DYNC2H1: variants seen among roughly 807,000 people sequenced by gnomAD.
DYNC2H1 encodes the protein cytoplasmic dynein 2 heavy chain 1.
A neutral mutation model predicts 570.0 loss-of-function variants in DYNC2H1; 410 were observed. That is an observed-to-expected ratio of 0.72 (90% CI 0.66 to 0.78). The LOEUF is 0.78. Among genes scored for constraint, DYNC2H1 ranks in the 30% least tolerant of loss-of-function variants. The pLI is 0.00. For synonymous variants in DYNC2H1, 1,688 were observed against 1,677.6 expected (o/e 1.01, Z -0.15); for missense variants, 4,865 against 5,046.4 (o/e 0.96, Z 1.09).
intron 82 of DYNC2H1, among the ~76,000 whole-genome samples, chr11:103,354,278 T>C (rs573399570): frequency 6.6e-6 from 1 of 152,152 alleles, no homozygotes; most frequent in African/African-American, 2.4e-5. Context: ...GTTTGCATTC[T>C]TTTAGATTCA....
In DYNC2H1 at chr11:103,150,188, TTC is replaced by T. The variant is rs371523654; in HGVS notation, c.2946+1573_2946+1574del. Among the ~76,000 whole-genome samples, 565 of 152,326 alleles carry T rather than the reference TTC, an allele frequency of 3.7e-3. 4 individuals carry two copies. Among genetic ancestry groups the T allele is most frequent in the African/African-American group, 0.013 (527 of 41,580 alleles). On this transcript the variant is annotated intron_variant, in intron 20 of 88. Transcript: ENST00000375735. ...GAAATTGTAAGAAGTTCGTATTTTA[TTC>T]TGAGTGTAATAAGAAAGTCTTTAGA...
At chr11:103,457,283 C>T (rs1944819566) in intron 87 of DYNC2H1, among the ~76,000 whole-genome samples, 1 of 152,068 alleles carries the variant, frequency 6.6e-6, no homozygotes, top group Non-Finnish European at 1.5e-5. Context: ...TTAGAGTGTA[C>T]TCCTTCTAAT....
At chr11:103,475,496 T>A (rs1945522637) in intron 88 of DYNC2H1, among the ~76,000 whole-genome samples, 1 of 152,140 alleles carries the variant, frequency 6.6e-6, no homozygotes, top group Non-Finnish European at 1.5e-5. Context: ...AATATAATAG[T>A]GAGAATGCCA....
chr11:103,408,969 C>T (rs570138421), intron 84 of DYNC2H1, among the ~76,000 whole-genome samples: 2 of 152,134 alleles, frequency 1.3e-5, no homozygotes, highest in East Asian at 3.9e-4. Context: ...AGGTCAGTTT[C>T]ACTGATTAAA....
At chr11:103,455,121 A>G in intron 85 of DYNC2H1, 65 bp from the exon 86 acceptor site, 1 of 1,164,576 alleles carries the variant, frequency 8.6e-7, no homozygotes. Flanking sequence ...ATTGAAAATG[A>G]CTTAAGTCTT....
chr11:103,356,417 C>A (rs1940341408), intron 82 of DYNC2H1, among the ~76,000 whole-genome samples: 1 of 152,046 alleles, frequency 6.6e-6, no homozygotes, highest in Non-Finnish European at 1.5e-5. Context: ...CAGAAGACAT[C>A]TTTTTTTGGT....
rs1278825521 is a variant in DYNC2H1, at chr11:103,197,942, A to G, written c.7718A>G (p.Tyr2573Cys). Residue 2573 changes from tyrosine to cysteine, a missense_variant, in exon 48 of 89, where the codon TAC (tyrosine) becomes TGC (cysteine). Coordinates refer to ENST00000375735, the MANE Select transcript of DYNC2H1 (RefSeq NM_001377.3). The stretch of plus-strand genomic sequence containing the variant: ...TCATTTATTTCCACAGATAGTTTCT[A>G]CGTTACATGGGGAGCTCGGCATAAT... ...DILDNMSDSF[Y>C]VTWGARHNSG... The G allele has an allele frequency of 1.3e-6, 2 of 1,569,238 alleles. No individual in the cohort carries two copies. Among genetic ancestry groups the G allele is most frequent in the Non-Finnish European group, 8.6e-7 (1 of 1,156,206 alleles).
chr11:103,170,390 T>A lies in DYNC2H1; in HGVS notation c.5151+100T>A. ...TACTCTACTTAAAAATCACTACATT[T>A]AAATTAGTTGAAGACAGAATTTGTT... On this transcript the variant is annotated intron_variant, in intron 33 of 88. Transcript: ENST00000375735. The surrounding 1 kb of genome is among the most constrained non-coding windows in gnomAD (Gnocchi z 4.8). The A allele has an allele frequency of 8.5e-7, 1 of 1,179,536 alleles. No individual in the cohort carries two copies. Among genetic ancestry groups the A allele is most frequent in the Non-Finnish European group, 1.1e-6 (1 of 879,624 alleles). 73.1% of individuals were successfully genotyped at this position (1,179,536 alleles called of 1,614,324 possible). A position where few individuals can be genotyped will look rare whatever the true frequency, so the allele number is the denominator to read the frequency against.
rs943329153 is a variant in DYNC2H1, at chr11:103,252,205, GATT to G, written c.10043-1078_10043-1076del. Among the ~76,000 whole-genome samples the G allele has an allele frequency of 6.6e-6, 1 of 151,566 alleles. No homozygotes were observed. Among genetic ancestry groups the G allele is most frequent in the African/African-American group, 2.4e-5 (1 of 41,218 alleles). ...CCGTCTCAACCTCCCAAAATGATGCGATTACAGGCATAAGCAGCCGTGCCTGAC... is the reference window on the plus strand; with the variant it reads ...CCGTCTCAACCTCCCAAAATGATGCGACAGGCATAAGCAGCCGTGCCTGAC... On this transcript the variant is annotated intron_variant, in intron 65 of 88. Coordinates refer to ENST00000375735, the MANE Select transcript of DYNC2H1 (RefSeq NM_001377.3). This position sits in a 1 kb window ranked among gnomAD's most constrained non-coding sequence, Gnocchi z 4.6.
Position 103,287,540 on chromosome 11 carries a change from T to C in DYNC2H1, c.11030T>C (p.Val3677Ala). 2 of 1,607,786 alleles carry C rather than the reference T, an allele frequency of 1.2e-6. No homozygotes were observed. Among genetic ancestry groups the C allele is most frequent in the East Asian group, 4.5e-5 (2 of 44,724 alleles). The part of the protein sequence containing the change: ...KKVSLFQQIL[V>A]VQALRPDRLQ... ...TCTGCATTTTATTTTAAGATTCTTG[T>C]AGTACAGGCGCTAAGACCGGACAGA... Residue 3677 changes from valine to alanine, a missense_variant, in exon 75 of 89, where the codon GTA becomes GCA. Val to Ala is a moderately conservative substitution (Grantham distance 64). This residue lies in a region of DYNC2H1 where 2,401 missense variants were observed against 2,454.6 expected (regional missense o/e 0.98). Transcript: ENST00000375735.
At position 103,341,344 on chromosome 11, in the gene DYNC2H1, T is replaced by G. The variant is rs930156156; in HGVS notation, c.12040-16899T>G. Among the ~76,000 whole-genome samples, 8 of 152,332 alleles carry G rather than the reference T, an allele frequency of 5.3e-5. No homozygotes were observed. The East Asian group carries it at 1.3e-3, about 26-fold the overall frequency. On this transcript the variant is annotated intron_variant, in intron 82 of 88. Coordinates refer to ENST00000375735, the MANE Select transcript of DYNC2H1 (RefSeq NM_001377.3). ...TCTTTTCTTCCCCCCCTTTTAAAAT[T>G]TAACAGTTATTAAATCCTCAGTTGC... is the stretch of plus-strand genomic sequence containing the variant.
chr11:103,284,027 C>A (rs1287194440), intron 73 of DYNC2H1, among the ~76,000 whole-genome samples: 1 of 149,942 alleles, frequency 6.7e-6, no homozygotes, highest in Non-Finnish European at 1.5e-5. Flanking sequence ...TTTAACAGAA[C>A]CCTGCAAAGT....
chr11:103,425,535 C>T (rs1943637510), intron 84 of DYNC2H1, among the ~76,000 whole-genome samples: 1 of 151,994 alleles, frequency 6.6e-6, no homozygotes, highest in African/African-American at 2.4e-5. Context: ...TCCAGAGGTC[C>T]CACCTCCAAA....
At position 103,325,629 on chromosome 11, in the gene DYNC2H1, C is replaced by G. The variant is rs1018521935; in HGVS notation, c.12039+1639C>G. ...TTTCACCTGTATACTGCTGTTAATA[C>G]TTCTGATTGTATTATGAAATTCTTG... On this transcript the variant is annotated intron_variant, in intron 82 of 88. Coordinates refer to ENST00000375735, the MANE Select transcript of DYNC2H1 (RefSeq NM_001377.3). This position sits in a 1 kb window ranked among gnomAD's most constrained non-coding sequence, Gnocchi z 4.8. 1.3e-5 allele frequency among the ~76,000 whole-genome samples: 2 copies of G among 152,068 alleles called. No homozygotes were observed. Among genetic ancestry groups the G allele is most frequent in the Admixed American group, 1.3e-4 (2 of 15,262 alleles).
chr11:103,166,377 C>A (rs922998045), intron 31 of DYNC2H1, among the ~76,000 whole-genome samples: 1 of 151,994 alleles, frequency 6.6e-6, no homozygotes, highest in Admixed American at 6.6e-5. Context: ...TGAAAAAACT[C>A]GAGGAGAACA....
In DYNC2H1 at chr11:103,290,084, A is replaced by G. The variant is rs141512827; in HGVS notation, c.11095+2479A>G. Among the ~76,000 whole-genome samples, 888 of 152,278 alleles carry G rather than the reference A, an allele frequency of 5.8e-3. 8 individuals are homozygous for G. The highest frequency in any genetic ancestry group is 0.02 in the African/African-American group (851 of 41,574). ...ATTGGATTGAGGCACACTCTTGTCCAGTATGACCTCATTTGAAGTTAACTA... is the reference window on the plus strand; with the variant it reads ...ATTGGATTGAGGCACACTCTTGTCCGGTATGACCTCATTTGAAGTTAACTA... On this transcript the variant is annotated intron_variant, in intron 75 of 88. Coordinates refer to ENST00000375735, the MANE Select transcript of DYNC2H1 (RefSeq NM_001377.3).
At chr11:103,257,217 C>T (rs762678668) in intron 68 of DYNC2H1, among the ~76,000 whole-genome samples, 12 of 152,094 alleles carry the variant, frequency 7.9e-5, no homozygotes, top group Admixed American at 6.6e-4. Context: ...CAGCAAGAAG[C>T]AGTTCTTTCT....
At chr11:103,216,181 T>G (rs1863376800) in intron 55 of DYNC2H1, among the ~76,000 whole-genome samples, 1 of 152,226 alleles carries the variant, frequency 6.6e-6, no homozygotes, top group Non-Finnish European at 1.5e-5. Flanking sequence ...TTTATTTTTC[T>G]TAGAATTCTC....
At chr11:103,330,677 G>A (rs1283276778) in intron 82 of DYNC2H1, among the ~76,000 whole-genome samples, 1 of 151,388 alleles carries the variant, frequency 6.6e-6, no homozygotes, top group African/African-American at 2.4e-5. Flanking sequence ...AGTTAAAATA[G>A]CACTTAGTAA....
Sources: allele counts gnomAD v4.1 joint callset (sites outside exome capture counted in the v4.1 genomes callset), GRCh38; gene constraint gnomAD v4.1.1; regional missense constraint gnomAD v4.1.1; non-coding constraint Gnocchi (gnomAD v3.1); transcripts MANE v1.5; gene names NCBI Gene and HGNC (gene_info 2026-07-23, HGNC 2026-07-21).